Variants in PRRC1 observed in about 807,000 individuals in gnomAD.
PRRC1 encodes the protein protein PRRC1.
Under a neutral mutation model 40.7 loss-of-function variants are expected in PRRC1, and 39 were observed. The observed-to-expected ratio is 0.96, with a 90% confidence interval of 0.74 to 1.25. PRRC1 has a LOEUF of 1.25. PRRC1 is among the 50% of genes most tolerant of loss of function. The pLI, the probability that PRRC1 is intolerant of heterozygous loss-of-function variation, is 0.00. For synonymous variants in PRRC1, 175 were observed against 193.3 expected, an observed-to-expected ratio of 0.91 and a Z score of 0.79; for missense variants, 573 against 548.3, an observed-to-expected ratio of 1.05 and a Z score of -0.45.
In PRRC1 at chr5:127,553,678, C is replaced by G. The variant is rs435795; in HGVS notation, c.*1762C>G. The G allele has an allele frequency of 1.4e-6, 2 of 1,475,564 alleles. No homozygotes were observed. Among genetic ancestry groups the G allele is most frequent in the Non-Finnish European group, 1.8e-6 (2 of 1,119,056 alleles). 91.4% of individuals were successfully genotyped at this position (1,475,564 alleles called of 1,614,324 possible). A position where few individuals can be genotyped will look rare whatever the true frequency, so the allele number is the denominator to read the frequency against. On this transcript the variant is annotated 3_prime_UTR_variant, in exon 9 of 9. Coordinates refer to ENST00000296666, the MANE Select transcript of PRRC1 (RefSeq NM_130809.5). ...ACTTTCCCTCCTATTATAAGGAAAT[C>G]TTACAGATTCTAAAAATACCTTAAT...
intron 7 of PRRC1, among the ~76,000 whole-genome samples, chr5:127,540,792 T>C (rs541144428): frequency 2.6e-5 from 4 of 152,016 alleles, no homozygotes; most frequent in Non-Finnish European, 5.9e-5. Context: ...GATGGGGTTG[T>C]TTGTTTTTTT....
At position 127,553,464 on chromosome 5, in the gene PRRC1, T is replaced by C; in HGVS notation, c.*1548T>C. ...GCCTTGGTGTACTTTTGTCCAGGAG[T>C]AACAGGGACAGAATACTTTCTTTCT... On this transcript the variant is annotated 3_prime_UTR_variant, in exon 9 of 9. Transcript: ENST00000296666. 1 of 1,114,876 alleles carries C rather than the reference T, an allele frequency of 9.0e-7. No homozygotes were observed. Among genetic ancestry groups the C allele is most frequent in the Non-Finnish European group, 1.1e-6 (1 of 909,324 alleles). The allele number at this position is 1,114,876 out of a possible 1,614,324, so 69.1% of individuals were successfully genotyped here.
intron 7 of PRRC1, among the ~76,000 whole-genome samples, chr5:127,545,642 G>A (rs367928056): frequency 4.3e-5 from 5 of 116,250 alleles, no homozygotes; most frequent in Non-Finnish European, 8.5e-5. Flanking sequence ...GTTGTGGGGT[G>A]GGGGGAGGGA....
rs545227057 is a variant in PRRC1, at chr5:127,538,108, TATC to T, written c.922-928_922-926del. Among the ~76,000 whole-genome samples, 485 of 152,144 alleles carry T rather than the reference TATC, an allele frequency of 3.2e-3. 1 individual carries two copies. Among genetic ancestry groups the T allele is most frequent in the Non-Finnish European group, 5.3e-3 (361 of 67,872 alleles). ...CTTGGTTTTATTGTACTTTAAATCCTATCATCTTCATCTTTACAAGCTAGTATC... is the reference window on the plus strand; with the variant it reads ...CTTGGTTTTATTGTACTTTAAATCCTATCTTCATCTTTACAAGCTAGTATC... On this transcript the variant is annotated intron_variant, in intron 6 of 8. Coordinates refer to ENST00000296666, the MANE Select transcript of PRRC1 (RefSeq NM_130809.5).
At chr5:127,541,888 T>A (rs1042196892) in intron 7 of PRRC1, among the ~76,000 whole-genome samples, 6 of 151,594 alleles carry the variant, frequency 4.0e-5, no homozygotes, top group East Asian at 3.9e-4. Flanking sequence ...AGTTCTGCTC[T>A]GATTTTAGTT....
intron 7 of PRRC1, among the ~76,000 whole-genome samples, chr5:127,544,980 G>A (rs909684233): frequency 2.3e-4 from 35 of 152,198 alleles, no homozygotes; most frequent in Non-Finnish European, 4.6e-4. Flanking sequence ...CGTCGCTCAC[G>A]CTGGGAGCTG....
intron 4 of PRRC1, among the ~76,000 whole-genome samples, chr5:127,528,802 C>G (rs1767691650): frequency 6.6e-6 from 1 of 152,108 alleles, no homozygotes; most frequent in Admixed American, 6.5e-5. Flanking sequence ...TTTCTTCCAG[C>G]TACTCAATGG....
At chr5:127,532,964 T>G (rs1767812772) in intron 5 of PRRC1, among the ~76,000 whole-genome samples, 1 of 152,186 alleles carries the variant, frequency 6.6e-6, no homozygotes, top group Non-Finnish European at 1.5e-5. Flanking sequence ...CAAATTGATC[T>G]GTCTAGAAAT....
intron 7 of PRRC1, among the ~76,000 whole-genome samples, chr5:127,546,732 C>T (rs955316884): frequency 6.6e-6 from 1 of 152,074 alleles, no homozygotes; most frequent in South Asian, 2.1e-4. Flanking sequence ...TGTTATTCAC[C>T]ATAGAGATTA....
chr5:127,552,909 G>A lies in PRRC1; in HGVS notation c.*993G>A. 1 of 940,096 alleles carries A rather than the reference G, an allele frequency of 1.1e-6. No homozygotes were observed. Among genetic ancestry groups the A allele is most frequent in the Non-Finnish European group, 1.3e-6 (1 of 788,982 alleles). The allele number at this position is 940,096 out of a possible 1,614,324, so 58.2% of individuals were successfully genotyped here. On this transcript the variant is annotated 3_prime_UTR_variant, in exon 9 of 9. Coordinates refer to ENST00000296666, the MANE Select transcript of PRRC1 (RefSeq NM_130809.5). ...CATTTGGTCTTTACTTTTTATGGATGTTTTCAAAGAAACTATTTTATATTC... is the reference window on the plus strand; with the variant it reads ...CATTTGGTCTTTACTTTTTATGGATATTTTCAAAGAAACTATTTTATATTC...
intron 1 of PRRC1, among the ~76,000 whole-genome samples, 178 bp from the exon 2 acceptor site, chr5:127,523,282 A>G (rs188738822): frequency 4.2e-4 from 64 of 152,334 alleles, no homozygotes; most frequent in Admixed American, 5.9e-4. Flanking sequence ...AAATATTCTC[A>G]TAGATTGCTT....
chr5:127,532,526 A>G (rs1046441275), intron 5 of PRRC1, among the ~76,000 whole-genome samples: 38 of 152,338 alleles, frequency 2.5e-4, no homozygotes, highest in African/African-American at 9.1e-4. Flanking sequence ...CTGAAAAGCC[A>G]TTTTGAGCTG....
At position 127,523,607 on chromosome 5, in the gene PRRC1, G is replaced by A. The variant is rs141258048; in HGVS notation, c.103+25G>A. On this transcript the variant is annotated intron_variant, in intron 2 of 8. Coordinates refer to ENST00000296666, the MANE Select transcript of PRRC1 (RefSeq NM_130809.5). ...GGTACATGTAGTTGTCTAACATCTC[G>A]TGTGTTTTGAGAATAGTGAAGATAC... The A allele has an allele frequency of 2.4e-4, 345 of 1,443,356 alleles. 1 individual carries two copies. The African/African-American group carries it at 3.1e-3, about 13-fold the overall frequency. 89.4% of individuals were successfully genotyped at this position (1,443,356 alleles called of 1,614,324 possible).
chr5:127,541,835 T>G (rs1255249794), intron 7 of PRRC1, among the ~76,000 whole-genome samples: 1 of 152,064 alleles, frequency 6.6e-6, no homozygotes, highest in Admixed American at 6.5e-5. Flanking sequence ...AGCTCCTGGA[T>G]TCATTAATTT....
At chr5:127,530,923 T>C (rs1345948452) in intron 5 of PRRC1, among the ~76,000 whole-genome samples, 1 of 152,216 alleles carries the variant, frequency 6.6e-6, no homozygotes, top group Non-Finnish European at 1.5e-5. Context: ...ATCCAGACAG[T>C]TGATAGATAC....
intron 2 of PRRC1, 173 bp downstream of exon 2, chr5:127,523,755 T>A: frequency 2.3e-6 from 1 of 427,764 alleles, no homozygotes. Flanking sequence ...CTTGTGTATT[T>A]AAAGTAAGAA....
chr5:127,548,079 T>C (rs575943597), intron 8 of PRRC1, 158 bp downstream of exon 8: 14 of 692,590 alleles, frequency 2.0e-5, no homozygotes, highest in Non-Finnish European at 3.1e-5. Context: ...AATTTCCTGA[T>C]CCTTCCATGT....
In PRRC1 at chr5:127,531,617, C is replaced by CTTTTTTTTTTTTTTTT. The variant is rs60179366; in HGVS notation, c.757+1229_757+1244dup. Among the ~76,000 whole-genome samples the CTTTTTTTTTTTTTTTT allele has an allele frequency of 4.6e-4, 46 of 99,646 alleles. 3 individuals are homozygous for CTTTTTTTTTTTTTTTT. Among genetic ancestry groups the CTTTTTTTTTTTTTTTT allele is most frequent in the African/African-American group, 2.0e-3 (44 of 21,562 alleles). The allele number at this position is 99,646 out of a possible 152,430, so 65.4% of individuals were successfully genotyped here. ...GCCAGGTGTTTTTATTCTTCTTCTT[C>CTTTTTTTTTTTTTTTT]TTTTTTTTTTTTTTTTTTTTTTTGA... On this transcript the variant is annotated intron_variant, in intron 5 of 8. Coordinates refer to ENST00000296666, the MANE Select transcript of PRRC1 (RefSeq NM_130809.5).
intron 7 of PRRC1, among the ~76,000 whole-genome samples, chr5:127,542,803 A>G (rs1768087891): frequency 1.3e-5 from 2 of 151,258 alleles, no homozygotes; most frequent in South Asian, 4.2e-4. Context: ...AATACAGCAC[A>G]CTGATGGGTC....
Sources: gnomAD v4.1 joint callset for allele counts (sites outside exome capture counted in the v4.1 genomes callset) on GRCh38, gnomAD v4.1.1 for gene constraint, MANE v1.5 for transcripts, NCBI Gene and HGNC (gene_info 2026-07-23, HGNC 2026-07-21) for gene names.